GPBP1: variants seen among roughly 807,000 people sequenced by gnomAD.
GPBP1 encodes GC-rich promoter binding protein 1.
GPBP1 carries 13 observed loss-of-function variants against 56.5 expected under a neutral mutation model. The ratio of observed to expected loss-of-function variants is 0.23; its 90% confidence interval spans 0.15 to 0.37. The LOEUF is 0.37. Among genes scored for constraint, GPBP1 ranks in the 10% least tolerant of loss-of-function variants. The pLI is 1.00. For missense variants in GPBP1, 477 were observed against 572.3 expected (o/e 0.83, Z 1.70); for synonymous variants, 204 against 188.9 (o/e 1.08, Z -0.66).
At chr5:57,217,501 G>A (rs1205749981) in intron 3 of GPBP1, among the ~76,000 whole-genome samples, 1 of 151,086 alleles carries the variant, frequency 6.6e-6, no homozygotes, top group African/African-American at 2.4e-5. Flanking sequence ...AACCGGGAGG[G>A]TGGAGGTTGT....
At chr5:57,242,542 T>C (rs753033111) in intron 6 of GPBP1, among the ~76,000 whole-genome samples, 7 of 152,150 alleles carry the variant, frequency 4.6e-5, no homozygotes, top group Non-Finnish European at 8.8e-5. Flanking sequence ...CCCCCAGGCA[T>C]GAGTGCAGTG....
At chr5:57,201,746 C>T (rs941403878) in intron 2 of GPBP1, among the ~76,000 whole-genome samples, 3 of 152,060 alleles carry the variant, frequency 2.0e-5, no homozygotes, top group Non-Finnish European at 4.4e-5. Flanking sequence ...TTAAACAGGT[C>T]TTGAAGACGG....
intron 10 of GPBP1, among the ~76,000 whole-genome samples, chr5:57,253,595 A>G (rs970022751): frequency 2.0e-5 from 3 of 152,246 alleles, no homozygotes; most frequent in African/African-American, 2.4e-5. Context: ...TGCTTGGCAC[A>G]TTACTTTGCT....
At chr5:57,238,592 C>T (rs1323929171) in intron 6 of GPBP1, among the ~76,000 whole-genome samples, 1 of 152,034 alleles carries the variant, frequency 6.6e-6, no homozygotes, top group Non-Finnish European at 1.5e-5. Flanking sequence ...AAATTAGTGG[C>T]TACTGATCAT....
chr5:57,213,425 A>C (rs1755576386), intron 2 of GPBP1, among the ~76,000 whole-genome samples: 1 of 151,912 alleles, frequency 6.6e-6, no homozygotes, highest in Non-Finnish European at 1.5e-5. Context: ...AGTGCCATTT[A>C]ATAATATCCA....
intron 10 of GPBP1, among the ~76,000 whole-genome samples, chr5:57,260,496 C>T (rs1436128537): frequency 3.3e-5 from 5 of 152,134 alleles, no homozygotes; most frequent in African/African-American, 7.2e-5. Context: ...AGGGGCTTTT[C>T]GCAAACTGAT....
chr5:57,198,185 C>G (rs991079233), intron 2 of GPBP1, among the ~76,000 whole-genome samples: 4 of 152,166 alleles, frequency 2.6e-5, no homozygotes, highest in African/African-American at 9.7e-5. Context: ...TAAATCATTT[C>G]AGCATTCTAG....
At chr5:57,225,695 T>TG in intron 3 of GPBP1, among the ~76,000 whole-genome samples, 1 of 152,092 alleles carries the variant, frequency 6.6e-6, no homozygotes, top group East Asian at 1.9e-4. Context: ...GGTGAACAAT[T>TG]AATGCCCTCT....
chr5:57,221,337 A>G (rs1411626911), intron 3 of GPBP1: 3 of 1,478,886 alleles, frequency 2.0e-6, no homozygotes, highest in Non-Finnish European at 1.8e-6. Flanking sequence ...ATTCCATTAA[A>G]TAATGCCAAT....
chr5:57,199,052 T>C (rs1231020273), intron 2 of GPBP1, among the ~76,000 whole-genome samples: 1 of 152,218 alleles, frequency 6.6e-6, no homozygotes, highest in African/African-American at 2.4e-5. Flanking sequence ...CTCCAATAAA[T>C]ATTTCTCAAA....
chr5:57,255,404 C>T (rs1941233316), intron 10 of GPBP1, among the ~76,000 whole-genome samples: 1 of 152,196 alleles, frequency 6.6e-6, no homozygotes. Context: ...TAATCAGCTA[C>T]TGCCATGTTA....
chr5:57,240,425 T>C (rs938461223), intron 6 of GPBP1, among the ~76,000 whole-genome samples: 66 of 152,342 alleles, frequency 4.3e-4, no homozygotes, highest in African/African-American at 1.3e-3. Flanking sequence ...TGCACACTTA[T>C]AAGCCTCTTA....
At chr5:57,223,664 A>G (rs1312339046) in intron 3 of GPBP1, among the ~76,000 whole-genome samples, 1 of 151,944 alleles carries the variant, frequency 6.6e-6, no homozygotes, top group Non-Finnish European at 1.5e-5. Flanking sequence ...TGTTTGGTCA[A>G]TGAATGCAGC....
At chr5:57,191,113 G>T (rs947308543) in intron 2 of GPBP1, among the ~76,000 whole-genome samples, 89 of 149,652 alleles carry the variant, frequency 5.9e-4, no homozygotes, top group African/African-American at 2.2e-3. Flanking sequence ...TTTTTTTAAG[G>T]CATTCTCCGT....
intron 2 of GPBP1, among the ~76,000 whole-genome samples, chr5:57,203,954 G>A (rs375767670): frequency 7.4e-4 from 112 of 152,208 alleles, no homozygotes; most frequent in South Asian, 1.9e-3. Context: ...CCTTAGACAG[G>A]TGTTTTCTTC....
At chr5:57,231,073 A>T in intron 4 of GPBP1, 25 bp from the exon 5 acceptor site, 1 of 1,592,596 alleles carries the variant, frequency 6.3e-7, no homozygotes, top group South Asian at 1.1e-5. Context: ...TTGAATTTAT[A>T]TTACTTTGCT....
At chr5:57,178,267 G>T (rs1335171899) in intron 2 of GPBP1, among the ~76,000 whole-genome samples, 3 of 151,830 alleles carry the variant, frequency 2.0e-5, no homozygotes, top group Admixed American at 2.0e-4. Flanking sequence ...TTTTTGAGAC[G>T]GACTCTTGCT....
At position 57,214,205 on chromosome 5, in the gene GPBP1, G is replaced by T. The variant is rs769368337; in HGVS notation, c.63+12G>T. ...CATCATCAACAAAGGTACTCTTTCTGCATCTTTCTTTCTGTCTGCTTCTCT... is the reference window on the plus strand; with the variant it reads ...CATCATCAACAAAGGTACTCTTTCTTCATCTTTCTTTCTGTCTGCTTCTCT... On this transcript the variant is annotated intron_variant, in intron 3 of 11. Transcript: ENST00000506184. The T allele has an allele frequency of 1.4e-5, 22 of 1,597,138 alleles. No homozygotes were observed. The highest frequency in any genetic ancestry group is 3.3e-4 in the Middle Eastern group (2 of 6,026).
At chr5:57,215,411 C>A (rs1039754364) in intron 3 of GPBP1, among the ~76,000 whole-genome samples, 19 of 152,332 alleles carry the variant, frequency 1.2e-4, no homozygotes, top group African/African-American at 4.6e-4. Context: ...CTGTTTGCCT[C>A]ATTTGATATC....
Sources: allele counts gnomAD v4.1 joint callset (sites outside exome capture counted in the v4.1 genomes callset), GRCh38; gene constraint gnomAD v4.1.1; transcripts MANE v1.5; gene names NCBI Gene and HGNC (gene_info 2026-07-23, HGNC 2026-07-21).